Variants in ZNF732 observed in about 807,000 individuals in gnomAD.
ZNF732 encodes zinc finger protein 732.
A neutral mutation model predicts 11.5 loss-of-function variants in ZNF732; 12 were observed. The observed-to-expected ratio is 1.05, with a 90% CI of 0.67 to 1.70. The LOEUF (loss-of-function observed/expected upper bound fraction) is 1.70. ZNF732 is among the 40% of genes most tolerant of loss of function. The pLI is 0.00. For missense variants in ZNF732, 702 were observed against 676.9 expected, an observed-to-expected ratio of 1.04 and a Z score of -0.41; for synonymous variants, 231 against 236.5, an observed-to-expected ratio of 0.98 and a Z score of 0.21.
At chr4:303,218 G>A (rs1199399841) in intron 1 of ZNF732, among the ~76,000 whole-genome samples, 1 of 152,080 alleles carries the variant, frequency 6.6e-6, no homozygotes, top group East Asian at 1.9e-4. Context: ...CTGTAAAATT[G>A]TTTTAACTAG....
intron 1 of ZNF732, among the ~76,000 whole-genome samples, chr4:301,224 GC>G (rs1720111189): frequency 6.6e-6 from 1 of 152,196 alleles, no homozygotes; most frequent in African/African-American, 2.4e-5. Flanking sequence ...AACGACAGGT[GC>G]TGGAGAGGAT....
chr4:282,753 G>C (rs1308735648), intron 3 of ZNF732, among the ~76,000 whole-genome samples: 1 of 151,044 alleles, frequency 6.6e-6, no homozygotes, highest in African/African-American at 2.4e-5. Flanking sequence ...TAAACTATGA[G>C]ATATTTTATG....
chr4:296,303 C>T (rs1164645452), intron 1 of ZNF732, 148 bp from the exon 2 acceptor site: 2 of 1,181,816 alleles, frequency 1.7e-6, no homozygotes, highest in Non-Finnish European at 1.2e-6. Flanking sequence ...TATTCTATAG[C>T]TCTGCAGAAA....
chr4:275,083 A>G (rs1719465104), intron 3 of ZNF732, among the ~76,000 whole-genome samples: 1 of 151,686 alleles, frequency 6.6e-6, no homozygotes, highest in Admixed American at 6.6e-5. Context: ...AACACTGCTC[A>G]GCAACAACTA....
chr4:270,778 C>T lies in ZNF732; in HGVS notation c.*321G>A, dbSNP rs184221403. The T allele has an allele frequency of 4.4e-4, 226 of 517,576 alleles. No homozygotes were observed. The highest frequency in any genetic ancestry group is 7.5e-4 in the Non-Finnish European group (204 of 273,164). 32.1% of individuals were successfully genotyped at this position (517,576 alleles called of 1,614,324 possible). ...TTCTTTACATTTGTAGGATTCATCT[C>T]CCATATGAATTTTCTTATGTTCACT... is the stretch of plus-strand genomic sequence containing the variant. On this transcript the variant is annotated 3_prime_UTR_variant, in exon 4 of 4. Coordinates refer to ENST00000419098, the MANE Select transcript of ZNF732 (RefSeq NM_001137608.3).
intron 3 of ZNF732, among the ~76,000 whole-genome samples, chr4:286,392 T>C (rs1719731175): frequency 6.6e-6 from 1 of 152,180 alleles, no homozygotes; most frequent in Non-Finnish European, 1.5e-5. Context: ...CATTGTGGCA[T>C]CATCTACAAA....
rs1433026276 is a variant in ZNF732, at chr4:296,044, T to C, written c.115A>G (p.Asn39Asp). Residue 39 changes from asparagine to aspartate, a missense_variant, in exon 2 of 4, where the codon AAC becomes GAC. Asn to Asp is a conservative substitution (Grantham distance 23). Around this residue, in one of 3 missense-constraint regions of ZNF732, gnomAD observed 596 missense variants for 557.9 expected, o/e 1.07. Coordinates refer to ENST00000419098, the MANE Select transcript of ZNF732 (RefSeq NM_001137608.3). ...TTATCCTCACCCAGGGAGATCAGGT[T>C]CCTGTAGTTCTCCAACATCACATCT... Reference protein sequence around the residue: ...YRDVMLENYRNLISLGVAISN... With the variant: ...YRDVMLENYRDLISLGVAISN... The C allele has an allele frequency of 3.7e-6, 6 of 1,613,682 alleles. No individual in the cohort carries two copies. Among genetic ancestry groups the C allele is most frequent in the Non-Finnish European group, 5.1e-6 (6 of 1,179,820 alleles).
intron 3 of ZNF732, among the ~76,000 whole-genome samples, chr4:293,282 G>GTATATATATATATATA (rs139781518): frequency 1.0e-4 from 14 of 140,264 alleles, no homozygotes; most frequent in African/African-American, 3.7e-4. Flanking sequence ...ATATGTATGT[G>GTATATATATATATATA]TATATATATA....
intron 3 of ZNF732, among the ~76,000 whole-genome samples, chr4:274,287 T>A (rs1005204313): frequency 9.2e-5 from 14 of 151,648 alleles, no homozygotes; most frequent in African/African-American, 3.4e-4. Context: ...AATTTTCAAA[T>A]TCAATGGAAG....
chr4:288,992 T>C (rs1719787217), intron 3 of ZNF732, among the ~76,000 whole-genome samples: 1 of 152,214 alleles, frequency 6.6e-6, no homozygotes, highest in Non-Finnish European at 1.5e-5. Flanking sequence ...TAAATAGAGA[T>C]TTAATTCGCT....
At chr4:302,305 T>C (rs1360990332) in intron 1 of ZNF732, among the ~76,000 whole-genome samples, 1 of 152,078 alleles carries the variant, frequency 6.6e-6, no homozygotes, top group Non-Finnish European at 1.5e-5. Flanking sequence ...TCCACAATAA[T>C]AGAGAAGTAA....
At chr4:299,678 T>G (rs1469599506) in intron 1 of ZNF732, among the ~76,000 whole-genome samples, 1 of 142,944 alleles carries the variant, frequency 7.0e-6, no homozygotes, top group Non-Finnish European at 1.5e-5. Context: ...AATTTTTATA[T>G]ACATAAATAT....
At chr4:286,772 G>T (rs1719739779) in intron 3 of ZNF732, among the ~76,000 whole-genome samples, 1 of 152,086 alleles carries the variant, frequency 6.6e-6, no homozygotes, top group Non-Finnish European at 1.5e-5. Flanking sequence ...AAGGTTTGTT[G>T]TACAGATTAT....
chr4:276,130 CAAAT>C (rs1261811318), intron 3 of ZNF732, among the ~76,000 whole-genome samples: 1 of 151,500 alleles, frequency 6.6e-6, no homozygotes, highest in African/African-American at 2.4e-5. Flanking sequence ...TATAGATTTA[CAAAT>C]AAATAGAGGG....
chr4:277,651 T>G (rs1044503422), intron 3 of ZNF732, among the ~76,000 whole-genome samples: 1 of 151,816 alleles, frequency 6.6e-6, no homozygotes, highest in Non-Finnish European at 1.5e-5. Flanking sequence ...ACGGTAAAAC[T>G]GTAAGTTAGT....
chr4:281,808 A>C (rs1372292009), intron 3 of ZNF732, among the ~76,000 whole-genome samples: 5 of 152,240 alleles, frequency 3.3e-5, no homozygotes, highest in Non-Finnish European at 5.9e-5. Flanking sequence ...GATCAGGCAA[A>C]CATAACAGCA....
rs145890738 is a variant in ZNF732 at position 282,354 on chromosome 4, A to C, written c.227-9724T>G. Among the ~76,000 whole-genome samples, 410 of 152,302 alleles carry C rather than the reference A, an allele frequency of 2.7e-3. 1 individual carries two copies. The highest frequency in any genetic ancestry group is 9.5e-3 in the African/African-American group (393 of 41,574). On this transcript the variant is annotated intron_variant, in intron 3 of 3. Coordinates refer to ENST00000419098, the MANE Select transcript of ZNF732 (RefSeq NM_001137608.3). The stretch of plus-strand genomic sequence containing the variant: ...TAGCAGGACCCTGTCTCTAAAATAA[A>C]TACATAAATAAAATAAAATAAAGAT...
rs907375868 is a variant in ZNF732 at position 278,747 on chromosome 4, T to G, written c.227-6117A>C. 4.6e-5 allele frequency among the ~76,000 whole-genome samples: 7 copies of G among 152,226 alleles called. No homozygotes were observed. In the East Asian group the frequency reaches 9.7e-4, roughly 21 times the overall value. ...GGTCCCAGACCATGCCGAAGCTACATGAGACCTCTCTTCGTCTGTGCACGG... is the reference window on the plus strand; with the variant it reads ...GGTCCCAGACCATGCCGAAGCTACAGGAGACCTCTCTTCGTCTGTGCACGG... On this transcript the variant is annotated intron_variant, in intron 3 of 3. Coordinates refer to ENST00000419098, the MANE Select transcript of ZNF732 (RefSeq NM_001137608.3).
intron 3 of ZNF732, among the ~76,000 whole-genome samples, chr4:294,997 C>G (rs1240380341): frequency 6.6e-6 from 1 of 152,088 alleles, no homozygotes; most frequent in Non-Finnish European, 1.5e-5. Context: ...GCAGAAAAGA[C>G]GCAACATCTG....
Sources: allele counts gnomAD v4.1 joint callset (sites outside exome capture counted in the v4.1 genomes callset), GRCh38; gene constraint gnomAD v4.1.1; regional missense constraint gnomAD v4.1.1; transcripts MANE v1.5; gene names NCBI Gene and HGNC (gene_info 2026-07-23, HGNC 2026-07-21).